DLC1: variants seen among roughly 807,000 people sequenced by gnomAD.
The protein encoded by DLC1 is rho GTPase-activating protein 7.
In DLC1, 54 loss-of-function variants were observed where a neutral mutation model predicts 140.3. The observed-to-expected ratio is 0.38, with a 90% CI of 0.31 to 0.48. The LOEUF is 0.48. DLC1 is among the 20% of genes least tolerant of loss of function. The probability of loss-of-function intolerance (pLI) is 0.96; values close to 1 mark genes in which losing one functional copy is unlikely to be tolerated. For synonymous variants in DLC1, 986 were observed against 728.1 expected, an observed-to-expected ratio of 1.35 and a Z score of -5.70; for missense variants, 2,536 against 1,907.0, an observed-to-expected ratio of 1.33 and a Z score of -6.14.
chr8:13,587,659 C>A (rs896602080), intron 1 of DLC1, among the ~76,000 whole-genome samples: 2 of 147,188 alleles, frequency 1.4e-5, no homozygotes, highest in African/African-American at 5.0e-5. Flanking sequence ...TTTATATAGG[C>A]GATGTTAACT....
intron 5 of DLC1, among the ~76,000 whole-genome samples, chr8:13,299,178 C>A (rs915323231): frequency 6.6e-6 from 1 of 151,768 alleles, no homozygotes; most frequent in African/African-American, 2.4e-5. Context: ...TGGGGTGGCT[C>A]ATGCCTGTAA....
chr8:13,115,693 G>C, intron 5 of DLC1, 36 bp from the exon 6 acceptor site: 1 of 1,596,844 alleles, frequency 6.3e-7, no homozygotes, highest in Non-Finnish European at 8.6e-7. Flanking sequence ...AATTAGCCAT[G>C]TGTACCTCGC....
At chr8:13,458,256 A>T (rs1799502307) in intron 2 of DLC1, among the ~76,000 whole-genome samples, 1 of 152,200 alleles carries the variant, frequency 6.6e-6, no homozygotes, top group Non-Finnish European at 1.5e-5. Context: ...TGTAACTTTG[A>T]TGGAGCAATT....
intron 5 of DLC1, among the ~76,000 whole-genome samples, chr8:13,286,584 C>G (rs772781040): frequency 6.6e-5 from 10 of 151,802 alleles, no homozygotes; most frequent in Non-Finnish European, 1.2e-4. Context: ...TATTCCTTTT[C>G]AAGGCACAGA....
intron 4 of DLC1, among the ~76,000 whole-genome samples, chr8:13,365,633 C>T (rs992230067): frequency 4.6e-5 from 7 of 152,118 alleles, no homozygotes; most frequent in African/African-American, 1.2e-4. Flanking sequence ...CACCACTGAG[C>T]GAGCCGTGGT....
intron 4 of DLC1, among the ~76,000 whole-genome samples, chr8:13,361,107 C>G (rs142968892): frequency 2.6e-5 from 4 of 151,580 alleles, no homozygotes; most frequent in African/African-American, 9.6e-5. Flanking sequence ...TGGCATGTGC[C>G]TGTAGTACCA....
At chr8:13,396,349 G>T (rs576525403) in intron 3 of DLC1, among the ~76,000 whole-genome samples, 93 of 152,252 alleles carry the variant, frequency 6.1e-4, no homozygotes, top group Middle Eastern at 3.4e-3. Flanking sequence ...GTGAGCTGCT[G>T]CGCCTGGCCT....
intron 5 of DLC1, among the ~76,000 whole-genome samples, chr8:13,223,697 A>T (rs1828662219): frequency 6.6e-6 from 1 of 152,238 alleles, no homozygotes; most frequent in Non-Finnish European, 1.5e-5. Context: ...TTTCCAATAA[A>T]CAACAAGCAC....
intron 2 of DLC1, among the ~76,000 whole-genome samples, chr8:13,417,250 G>A (rs529706667): frequency 3.9e-5 from 6 of 151,968 alleles, no homozygotes; most frequent in African/African-American, 1.4e-4. Context: ...GGATACATGT[G>A]CACAATGTGC....
chr8:13,315,629 A>C (rs146127424), intron 4 of DLC1, among the ~76,000 whole-genome samples: 5 of 152,140 alleles, frequency 3.3e-5, no homozygotes, highest in Admixed American at 3.3e-4. Context: ...CAGGAGCCCA[A>C]CTCAATTTCT....
At chr8:13,539,742 GTGTGTGTA>G (rs1222238822) in intron 1 of DLC1, among the ~76,000 whole-genome samples, 22 of 118,996 alleles carry the variant, frequency 1.8e-4, no homozygotes, top group African/African-American at 7.3e-4. Flanking sequence ...ATTAAGAAAT[GTGTGTGTA>G]TGTGTGTGTG....
At position 13,494,543 on chromosome 8, in the gene DLC1, G is replaced by T. The variant is rs934000705; in HGVS notation, c.1023+4506C>A. The stretch of plus-strand genomic sequence containing the variant: ...GGGGTGTGGATTCTGAAGGCATAGA[G>T]CCTATATATTAGTTCAGAACTTCTT... On this transcript the variant is annotated intron_variant, in intron 2 of 17. Transcript: ENST00000276297. Among the ~76,000 whole-genome samples the T allele has an allele frequency of 3.9e-5, 6 of 152,148 alleles. 1 individual carries two copies. Among genetic ancestry groups the T allele is most frequent in the African/African-American group, 1.4e-4 (6 of 41,426 alleles).
upstream of DLC1, among the ~76,000 whole-genome samples, chr8:13,519,391 G>A (rs1049586306): frequency 2.0e-5 from 3 of 152,174 alleles, no homozygotes; most frequent in South Asian, 2.1e-4. Context: ...GCCTCCCAAA[G>A]TGCTGGGATT....
intron 5 of DLC1, among the ~76,000 whole-genome samples, chr8:13,179,928 G>A (rs1479827420): frequency 6.6e-6 from 1 of 152,124 alleles, no homozygotes; most frequent in Non-Finnish European, 1.5e-5. Flanking sequence ...GAATACTTGA[G>A]GCATTGCTAC....
chr8:13,286,956 T>C (rs908410126), intron 5 of DLC1, among the ~76,000 whole-genome samples: 8 of 152,034 alleles, frequency 5.3e-5, no homozygotes, highest in African/African-American at 1.9e-4. Context: ...GAGGTGAAGG[T>C]TGAGCACTCT....
At chr8:13,405,949 C>CT (rs1554514424) in intron 2 of DLC1, among the ~76,000 whole-genome samples, 1 of 95,980 alleles carries the variant, frequency 1.0e-5, no homozygotes, top group Non-Finnish European at 2.2e-5. Flanking sequence ...TTCTTTCTTT[C>CT]TTTCTTTCTT....
intron 2 of DLC1, 25 bp downstream of exon 2, chr8:13,499,024 C>T: frequency 2.6e-6 from 4 of 1,549,330 alleles, no homozygotes; most frequent in Non-Finnish European, 2.6e-6. Flanking sequence ...TTTCAAAAGC[C>T]AGAGAATCTG....
At chr8:13,549,918 C>G (rs1803786695) in intron 1 of DLC1, among the ~76,000 whole-genome samples, 1 of 152,046 alleles carries the variant, frequency 6.6e-6, no homozygotes, top group African/African-American at 2.4e-5. Flanking sequence ...ACAAACTACA[C>G]GTGAATAGGC....
At chr8:13,214,679 T>G in intron 5 of DLC1, 1 of 779,700 alleles carries the variant, frequency 1.3e-6, no homozygotes, top group Non-Finnish European at 2.4e-6. Flanking sequence ...TGGGGAAAGG[T>G]GTAAGGAGAC....
Sources: allele counts gnomAD v4.1 joint callset (sites outside exome capture counted in the v4.1 genomes callset), GRCh38; gene constraint gnomAD v4.1.1; transcripts MANE v1.5; gene names NCBI Gene and HGNC (gene_info 2026-07-23, HGNC 2026-07-21).